The following CNTNAP2 variants were observed in gnomAD, a reference collection of about 807,000 sequenced individuals.
CNTNAP2 encodes the protein contactin-associated protein-like 2.
CNTNAP2 carries 98 observed loss-of-function variants against 155.2 expected under a neutral mutation model. That is an observed-to-expected ratio of 0.63 (90% CI 0.54 to 0.75). CNTNAP2 has a LOEUF of 0.75. Among genes scored for constraint, CNTNAP2 ranks in the 30% least tolerant of loss-of-function variants. The probability of loss-of-function intolerance (pLI) is 0.00; values close to 1 mark genes in which losing one functional copy is unlikely to be tolerated. For missense variants in CNTNAP2, 1,727 were observed against 1,688.1 expected, an observed-to-expected ratio of 1.02 and a Z score of -0.40; for synonymous variants, 651 against 631.2, an observed-to-expected ratio of 1.03 and a Z score of -0.47.
chr7:147,393,243 T>A (rs559282020), intron 9 of CNTNAP2, among the ~76,000 whole-genome samples: 1 of 152,154 alleles, frequency 6.6e-6, no homozygotes, highest in Middle Eastern at 3.4e-3. Context: ...CTAGAATATA[T>A]CTCCTATTGG....
intron 8 of CNTNAP2, among the ~76,000 whole-genome samples, chr7:147,217,865 TTAGA>T (rs1803308235): frequency 1.3e-5 from 2 of 152,136 alleles, no homozygotes; most frequent in Non-Finnish European, 1.5e-5. Context: ...TTTGCTTTTA[TTAGA>T]TAGATTTTAT....
At chr7:148,402,172 ACTGGATCTTGGACAATC>A (rs55701434) in intron 22 of CNTNAP2, among the ~76,000 whole-genome samples, 39,338 of 152,128 alleles carry the variant, frequency 0.26, 5,692 homozygotes, top group Non-Finnish European at 0.33. Context: ...TCTTTTGGTC[ACTGGATCTTGGACAATC>A]ATGAAAGCAG....
intron 10 of CNTNAP2, among the ~76,000 whole-genome samples, chr7:147,402,260 A>G (rs967634282): frequency 6.6e-6 from 1 of 152,118 alleles, no homozygotes; most frequent in Non-Finnish European, 1.5e-5. Flanking sequence ...CTTATGCAAT[A>G]CGTTATCACC....
chr7:148,217,865 C>A (rs953496092), intron 19 of CNTNAP2, among the ~76,000 whole-genome samples: 1 of 152,276 alleles, frequency 6.6e-6, no homozygotes, highest in Non-Finnish European at 1.5e-5. Flanking sequence ...TGGCTCACGC[C>A]TGTAATCCCA....
chr7:146,993,165 C>T (rs971817691), intron 3 of CNTNAP2, among the ~76,000 whole-genome samples: 3 of 152,154 alleles, frequency 2.0e-5, no homozygotes, highest in Non-Finnish European at 4.4e-5. Flanking sequence ...GAAGGCCAAG[C>T]GGGTGACTTG....
At position 148,399,642 on chromosome 7, in the gene CNTNAP2, C is replaced by G. The variant is rs369510625; in HGVS notation, c.3716-9749C>G. Among the ~76,000 whole-genome samples, 9 of 152,264 alleles carry G rather than the reference C, an allele frequency of 5.9e-5. No individual in the cohort carries two copies. The East Asian group carries it at 1.2e-3, about 20-fold the overall frequency. ...CTGTTTTTTCCTAAACTGTAATAAACTCCCCCTCTCCAACATTCAAAATAA... is the reference window on the plus strand; with the variant it reads ...CTGTTTTTTCCTAAACTGTAATAAAGTCCCCCTCTCCAACATTCAAAATAA... On this transcript the variant is annotated intron_variant, in intron 22 of 23. Coordinates refer to ENST00000361727, the MANE Select transcript of CNTNAP2 (RefSeq NM_014141.6).
At chr7:146,779,560 A>G (rs1319910975) in intron 2 of CNTNAP2, among the ~76,000 whole-genome samples, 5 of 152,248 alleles carry the variant, frequency 3.3e-5, no homozygotes, top group Non-Finnish European at 7.3e-5. Flanking sequence ...TGTTATAGCC[A>G]GAGAAACCCA....
chr7:146,480,783 C>A (rs956698566), intron 1 of CNTNAP2, among the ~76,000 whole-genome samples: 2 of 149,594 alleles, frequency 1.3e-5, no homozygotes, highest in African/African-American at 4.9e-5. Flanking sequence ...CCCGGGTTCA[C>A]GCCATTCTCC....
chr7:146,818,500 T>C (rs1803216585), intron 2 of CNTNAP2, among the ~76,000 whole-genome samples: 1 of 152,154 alleles, frequency 6.6e-6, no homozygotes, highest in African/African-American at 2.4e-5. Flanking sequence ...GTCAAGTGTT[T>C]GCAACCTTTA....
intron 1 of CNTNAP2, among the ~76,000 whole-genome samples, chr7:146,148,923 C>G (rs1391806534): frequency 6.6e-6 from 1 of 151,010 alleles, no homozygotes; most frequent in Non-Finnish European, 1.5e-5. Flanking sequence ...TGTTATATTG[C>G]TAGGTATGTT....
At chr7:147,310,031 A>G (rs868282087) in intron 9 of CNTNAP2, among the ~76,000 whole-genome samples, 1 of 152,164 alleles carries the variant, frequency 6.6e-6, no homozygotes, top group Admixed American at 6.5e-5. Flanking sequence ...TACACATTGA[A>G]ATTGAACATA....
chr7:148,026,476 C>G (rs1802377917), intron 15 of CNTNAP2, among the ~76,000 whole-genome samples: 1 of 152,178 alleles, frequency 6.6e-6, no homozygotes, highest in South Asian at 2.1e-4. Flanking sequence ...TTTTATACTT[C>G]TCACTATAGA....
intron 1 of CNTNAP2, among the ~76,000 whole-genome samples, chr7:146,763,168 C>T (rs1802134154): frequency 6.6e-6 from 1 of 152,212 alleles, no homozygotes; most frequent in Non-Finnish European, 1.5e-5. Context: ...CCTCATGCTT[C>T]TGCTCCATCC....
At chr7:146,597,290 G>A (rs1302842127) in intron 1 of CNTNAP2, among the ~76,000 whole-genome samples, 3 of 151,882 alleles carry the variant, frequency 2.0e-5, no homozygotes, top group Non-Finnish European at 2.9e-5. Flanking sequence ...ACTATAATAC[G>A]ATCATCTGCT....
intron 1 of CNTNAP2, among the ~76,000 whole-genome samples, chr7:146,354,127 A>T (rs927802558): frequency 4.6e-5 from 7 of 152,258 alleles, no homozygotes; most frequent in African/African-American, 1.7e-4. Flanking sequence ...ACTCATGAAG[A>T]TAATTCAACA....
intron 8 of CNTNAP2, 65 bp downstream of exon 8, chr7:147,132,574 C>T (rs112401840): frequency 9.2e-4 from 1,469 of 1,603,226 alleles, no homozygotes; most frequent in Non-Finnish European, 1.1e-3. Flanking sequence ...TAATGTTGTG[C>T]TTTGTTTGGT....
intron 13 of CNTNAP2, among the ~76,000 whole-genome samples, chr7:147,697,572 G>C (rs1454612155): frequency 2.0e-5 from 3 of 152,074 alleles, no homozygotes; most frequent in Non-Finnish European, 4.4e-5. Context: ...GATACGTTGT[G>C]GGGGAGCGGG....
intron 12 of CNTNAP2, 68 bp downstream of exon 12, chr7:147,562,325 A>G (rs1800079882): frequency 5.0e-6 from 8 of 1,600,278 alleles, no homozygotes; most frequent in African/African-American, 2.7e-5. Context: ...AGTTCCACCA[A>G]TGGTTTGTTT....
At chr7:146,245,795 C>A (rs138132679) in intron 1 of CNTNAP2, among the ~76,000 whole-genome samples, 1,740 of 152,010 alleles carry the variant, frequency 0.011, 33 homozygotes, top group African/African-American at 0.039. Flanking sequence ...TAATGGGTAT[C>A]AGGGTCAGTC....
Sources: gnomAD v4.1 joint callset for allele counts (sites outside exome capture counted in the v4.1 genomes callset) on GRCh38, gnomAD v4.1.1 for gene constraint, MANE v1.5 for transcripts, NCBI Gene and HGNC (gene_info 2026-07-23, HGNC 2026-07-21) for gene names.